FBXL13: variants seen among roughly 807,000 people sequenced by gnomAD.
The protein encoded by FBXL13 is F-box and leucine rich repeat protein 13.
Under a neutral mutation model 83.6 loss-of-function variants are expected in FBXL13, and 67 were observed. The ratio of observed to expected loss-of-function variants is 0.80; its 90% CI spans 0.66 to 0.98. FBXL13 has a LOEUF of 0.98. FBXL13 is among the 50% of genes least tolerant of loss of function. The pLI is 0.00. For missense variants in FBXL13, 822 were observed against 866.5 expected (o/e 0.95, Z 0.64); for synonymous variants, 272 against 299.5 (o/e 0.91, Z 0.95).
intron 11 of FBXL13, among the ~76,000 whole-genome samples, chr7:102,885,812 G>A (rs543355695): frequency 6.6e-6 from 1 of 152,136 alleles, no homozygotes; most frequent in Admixed American, 6.5e-5. Flanking sequence ...GTGAGGTAGG[G>A]GTCCAACTTC....
downstream of FBXL13, among the ~76,000 whole-genome samples, chr7:102,812,572 A>T (rs1280251266): frequency 1.3e-5 from 2 of 152,174 alleles, no homozygotes; most frequent in Admixed American, 1.3e-4. Context: ...TTCCTTTGAA[A>T]ATATTAATAT....
chr7:102,973,598 C>T (rs776326891), intron 6 of FBXL13: 6 of 765,868 alleles, frequency 7.8e-6, no homozygotes, highest in Admixed American at 5.1e-5. Flanking sequence ...AGAGTTTGAA[C>T]GGATACAAGA....
intron 15 of FBXL13, 66 bp downstream of exon 16, chr7:102,878,265 T>A (rs1307603142): frequency 2.2e-6 from 3 of 1,377,094 alleles, no homozygotes; most frequent in Admixed American, 2.5e-5. Flanking sequence ...CTTTTAGGTG[T>A]CTCATGTCTC....
chr7:102,956,485 G>A (rs1490968989), intron 8 of FBXL13, among the ~76,000 whole-genome samples: 1 of 152,158 alleles, frequency 6.6e-6, no homozygotes, highest in East Asian at 1.9e-4. Context: ...AGGCAAGGAT[G>A]TCCTCTCTCA....
chr7:103,001,457 C>T (rs1467883585), intron 6 of FBXL13, among the ~76,000 whole-genome samples: 1 of 152,136 alleles, frequency 6.6e-6, no homozygotes, highest in African/African-American at 2.4e-5. Flanking sequence ...TAGGTGTCAA[C>T]TTGACTGGAT....
intron 6 of FBXL13, among the ~76,000 whole-genome samples, chr7:102,971,210 T>C (rs1826610470): frequency 6.6e-6 from 1 of 152,216 alleles, no homozygotes; most frequent in South Asian, 2.1e-4. Flanking sequence ...TACAAAAGAC[T>C]GTCACGTAGA....
intron 11 of FBXL13, among the ~76,000 whole-genome samples, chr7:102,892,015 C>T (rs1261449771): frequency 1.3e-5 from 2 of 152,200 alleles, no homozygotes; most frequent in East Asian, 3.8e-4. Flanking sequence ...ACAGTTCTAA[C>T]CACATGCTCA....
At chr7:103,022,843 G>T (rs1373649084) in intron 6 of FBXL13, among the ~76,000 whole-genome samples, 1 of 152,106 alleles carries the variant, frequency 6.6e-6, no homozygotes, top group Admixed American at 6.6e-5. Flanking sequence ...TTAAACAAAA[G>T]AACTTCTAGC....
At chr7:102,838,284 T>C (rs1802346922) in intron 17 of FBXL13, among the ~76,000 whole-genome samples, 1 of 152,120 alleles carries the variant, frequency 6.6e-6, no homozygotes, top group Non-Finnish European at 1.5e-5. Context: ...AGCACCTACT[T>C]CATAGAGTTG....
intron 8 of FBXL13, among the ~76,000 whole-genome samples, chr7:102,953,723 G>A (rs929511388): frequency 2.0e-5 from 3 of 152,138 alleles, no homozygotes; most frequent in Non-Finnish European, 4.4e-5. Context: ...TTCCAGATAA[G>A]CATGCCTTGC....
chr7:103,025,624 T>C (rs1381944528), intron 5 of FBXL13, among the ~76,000 whole-genome samples: 1 of 152,128 alleles, frequency 6.6e-6, no homozygotes, highest in African/African-American at 2.4e-5. Flanking sequence ...ATTTGGGAAA[T>C]TGCCAAATTT....
intron 6 of FBXL13, among the ~76,000 whole-genome samples, chr7:103,015,625 C>T (rs7799057): frequency 0.14 from 21,588 of 151,876 alleles, 1,657 homozygotes; most frequent in Middle Eastern, 0.21. Flanking sequence ...AGCTAAACCC[C>T]GTCTCTACTA....
At chr7:103,025,518 A>G (rs1183800332) in intron 5 of FBXL13, among the ~76,000 whole-genome samples, 1 of 152,160 alleles carries the variant, frequency 6.6e-6, no homozygotes, top group African/African-American at 2.4e-5. Flanking sequence ...GAGGACCACA[A>G]AGTCAAGGCT....
chr7:103,006,507 G>A (rs146940554), intron 6 of FBXL13, among the ~76,000 whole-genome samples: 2 of 152,312 alleles, frequency 1.3e-5, no homozygotes, highest in African/African-American at 4.8e-5. Flanking sequence ...AATGTCACAT[G>A]ATAGAAACAG....
intron 6 of FBXL13, among the ~76,000 whole-genome samples, chr7:103,016,270 G>T (rs935652384): frequency 6.8e-6 from 1 of 147,050 alleles, no homozygotes; most frequent in Non-Finnish European, 1.5e-5. Context: ...TACACTATAA[G>T]GCTATGGTAA....
At chr7:102,923,703 A>G (rs1817533757) in intron 10 of FBXL13, among the ~76,000 whole-genome samples, 1 of 152,086 alleles carries the variant, frequency 6.6e-6, no homozygotes, top group Non-Finnish European at 1.5e-5. Context: ...GGGCGCCTGT[A>G]ATCCCAGCTA....
chr7:103,000,652 C>A (rs1297021027), intron 6 of FBXL13, among the ~76,000 whole-genome samples: 1 of 152,150 alleles, frequency 6.6e-6, no homozygotes, highest in Non-Finnish European at 1.5e-5. Context: ...GATTTTCTGT[C>A]GGCATGATTT....
At chr7:102,926,712 A>T (rs533762335) in intron 9 of FBXL13, among the ~76,000 whole-genome samples, 1 of 152,216 alleles carries the variant, frequency 6.6e-6, no homozygotes, top group African/African-American at 2.4e-5. Flanking sequence ...GACTCTTCAT[A>T]TGCAGGAAAG....
At chr7:103,058,625 G>A (rs1240248163) in intron 1 of FBXL13, among the ~76,000 whole-genome samples, 1 of 152,100 alleles carries the variant, frequency 6.6e-6, no homozygotes, top group African/African-American at 2.4e-5. Flanking sequence ...GGCACCCTGA[G>A]GACATCTATA....
Sources: gnomAD v4.1 joint callset for allele counts (sites outside exome capture counted in the v4.1 genomes callset) on GRCh38, gnomAD v4.1.1 for gene constraint, MANE v1.5 for transcripts, NCBI Gene and HGNC (gene_info 2026-07-23, HGNC 2026-07-21) for gene names.